Variants in KALRN observed in about 807,000 individuals in gnomAD.
KALRN encodes the protein kalirin RhoGEF kinase.
KALRN carries 70 observed loss-of-function variants against 353.7 expected under a neutral mutation model. The observed-to-expected ratio is 0.20, with a 90% CI of 0.16 to 0.24. The LOEUF (loss-of-function observed/expected upper bound fraction) is 0.24. Among genes scored for constraint, KALRN ranks in the 10% least tolerant of loss-of-function variants. The probability of loss-of-function intolerance (pLI) is 1.00; values close to 1 mark genes in which losing one functional copy is unlikely to be tolerated. For missense variants in KALRN, 2,791 were observed against 3,756.7 expected (o/e 0.74, Z 6.72); for synonymous variants, 1,391 against 1,434.8 (o/e 0.97, Z 0.69).
chr3:124,551,951 A>T (rs1305014981), intron 33 of KALRN, among the ~76,000 whole-genome samples: 1 of 152,202 alleles, frequency 6.6e-6, no homozygotes, highest in African/African-American at 2.4e-5. Flanking sequence ...GTTAGCTATT[A>T]GGATGCAATC....
chr3:124,428,769 A>G (rs2093144210), intron 15 of KALRN, among the ~76,000 whole-genome samples: 1 of 152,232 alleles, frequency 6.6e-6, no homozygotes. Context: ...ATGTTTCTAA[A>G]TGGGAAGCTT....
chr3:124,490,847 C>T lies in KALRN; in HGVS notation c.4550C>T (p.Ser1517Leu). ...LVFSKEIKDS[S>L]GHTKYVYKNK... The stretch of plus-strand genomic sequence containing the variant: ...TTTAGCAAGGAGATCAAAGATTCTT[C>T]AGGACACACGAAATATGTTTACAAG... The change falls in exon 30 of 60, where the codon TCA becomes TTA. Residue 1517 changes from serine (S) to leucine (L), a missense_variant. Physicochemically the swap from Ser to Leu is moderately radical, Grantham distance 145 (BLOSUM62 -2). Around this residue, in one of 11 missense-constraint regions of KALRN, gnomAD observed 239 missense variants for 351.3 expected, o/e 0.68. Transcript: ENST00000682506. 6.2e-7 allele frequency: 1 copy of T among 1,613,736 alleles called. No individual in the cohort carries two copies. The highest frequency in any genetic ancestry group is 1.1e-5 in the South Asian group (1 of 91,054).
Position 124,225,677 on chromosome 3 carries a change from T to C in KALRN, c.74-2313T>C, listed in dbSNP as rs368469925. ...GATGGATGAGACTTGGAGCTTCCTC[T>C]TCCTCTCCAAGGATGGGAGTAGAGA... On this transcript the variant is annotated intron_variant, in intron 1 of 59. Coordinates refer to ENST00000682506, the MANE Select transcript of KALRN (RefSeq NM_001388419.1). Among the ~76,000 whole-genome samples, 4 of 152,316 alleles carry C rather than the reference T, an allele frequency of 2.6e-5. No homozygotes were observed. The South Asian group carries it at 8.3e-4, about 32-fold the overall frequency.
At chr3:124,674,302 A>G in intron 48 of KALRN, 62 bp from the exon 49 acceptor site, 3 of 1,559,790 alleles carry the variant, frequency 1.9e-6, no homozygotes, top group Non-Finnish European at 2.6e-6. Flanking sequence ...TAGGGTGCAG[A>G]GCAAGCCCAT....
intron 55 of KALRN, among the ~76,000 whole-genome samples, chr3:124,699,635 G>A (rs1479047265): frequency 1.3e-5 from 2 of 152,162 alleles, no homozygotes; most frequent in African/African-American, 4.8e-5. Flanking sequence ...ACATTTGAAA[G>A]TGAACAGAAT....
intron 51 of KALRN, among the ~76,000 whole-genome samples, chr3:124,686,547 G>T (rs1000072863): frequency 1.2e-4 from 19 of 152,116 alleles, no homozygotes; most frequent in Admixed American, 2.6e-4. Flanking sequence ...GCCCTGAGGT[G>T]GGAGGTGCCT....
chr3:124,545,246 G>A (rs1254913441), intron 33 of KALRN, among the ~76,000 whole-genome samples: 3 of 151,924 alleles, frequency 2.0e-5, no homozygotes, highest in Admixed American at 2.0e-4. Flanking sequence ...CTCTTTTTTT[G>A]TATAGGAAAT....
At chr3:124,061,007 C>T (rs2041953399) in intron 1 of KALRN, among the ~76,000 whole-genome samples, 2 of 152,354 alleles carry the variant, frequency 1.3e-5, no homozygotes, top group Admixed American at 1.3e-4. Context: ...TCAGACTTCA[C>T]TTACAAAGCA....
chr3:124,265,298 C>CTTTTTTT lies in KALRN; in HGVS notation c.456+616_456+622dup, dbSNP rs3054177. On this transcript the variant is annotated intron_variant, in intron 4 of 59. Transcript: ENST00000682506. ...CTAGTAACTAATTTAAGAAAATATT[C>CTTTTTTT]TTTTTTTTTTTTTTGAGATAGAGTC... is the stretch of plus-strand genomic sequence containing the variant. Among the ~76,000 whole-genome samples, 27 of 73,124 alleles carry CTTTTTTT rather than the reference C, an allele frequency of 3.7e-4. 3 individuals carry two copies. In the South Asian group the frequency reaches 6.5e-3, roughly 18 times the overall value. The allele number at this position is 73,124 out of a possible 152,430, so 48.0% of individuals were successfully genotyped here.
chr3:124,080,275 G>C (rs1299453832), intron 1 of KALRN, among the ~76,000 whole-genome samples: 1 of 152,096 alleles, frequency 6.6e-6, no homozygotes, highest in Non-Finnish European at 1.5e-5. Flanking sequence ...AAAGCTAAAA[G>C]CAAGGCTGTA....
chr3:124,100,560 G>C (rs935038076), intron 1 of KALRN: 1 of 152,204 alleles, frequency 6.6e-6, no homozygotes, highest in African/African-American at 2.4e-5. Flanking sequence ...CTATGAAATT[G>C]CTAGAAGAAA....
At position 124,334,204 on chromosome 3, in the gene KALRN, T is replaced by TTC; in HGVS notation, c.1417-55_1417-54dup. 1.4e-6 allele frequency: 2 copies of TTC among 1,415,182 alleles called. No individual in the cohort carries two copies. Among genetic ancestry groups the TTC allele is most frequent in the East Asian group, 2.3e-5 (1 of 43,914 alleles). The allele number at this position is 1,415,182 out of a possible 1,614,324, so 87.7% of individuals were successfully genotyped here. ...GGACCCTCAGGCAGACACTTCCTGCTTCTCTCTGTGCCCTGCCTATCACCC... is the reference window on the plus strand; with the variant it reads ...GGACCCTCAGGCAGACACTTCCTGCTTCTCTCTCTGTGCCCTGCCTATCACCC... On this transcript the variant is annotated intron_variant, in intron 8 of 59. Coordinates refer to ENST00000682506, the MANE Select transcript of KALRN (RefSeq NM_001388419.1). The surrounding 1 kb of genome is among the most constrained non-coding windows in gnomAD (Gnocchi z 4.2).
chr3:124,308,203 T>C (rs573359435), intron 6 of KALRN, among the ~76,000 whole-genome samples: 2 of 152,066 alleles, frequency 1.3e-5, no homozygotes, highest in South Asian at 2.1e-4. Context: ...GCAAGAAATA[T>C]ACAATTCAAG....
At chr3:124,260,534 C>T (rs948714326) in intron 3 of KALRN, among the ~76,000 whole-genome samples, 1 of 152,114 alleles carries the variant, frequency 6.6e-6, no homozygotes, top group Non-Finnish European at 1.5e-5. Flanking sequence ...GTTACTTGCC[C>T]TTGGGAATTG....
At chr3:124,269,911 C>T (rs1035807240) in intron 5 of KALRN, among the ~76,000 whole-genome samples, 7 of 152,188 alleles carry the variant, frequency 4.6e-5, no homozygotes, top group Admixed American at 2.6e-4. Context: ...TCCTGCCATA[C>T]CCACTTGTTT....
chr3:124,524,888 T>A (rs1311333081), intron 33 of KALRN, among the ~76,000 whole-genome samples: 1 of 152,232 alleles, frequency 6.6e-6, no homozygotes, highest in Non-Finnish European at 1.5e-5. Context: ...CACATCTTCC[T>A]CCCATTTGTG....
intron 1 of KALRN, among the ~76,000 whole-genome samples, chr3:124,189,277 C>G (rs1025475803): frequency 6.6e-6 from 1 of 152,160 alleles, no homozygotes; most frequent in Non-Finnish European, 1.5e-5. Context: ...ATTGAACATG[C>G]CAGTTAGTTT....
intron 1 of KALRN, among the ~76,000 whole-genome samples, chr3:124,046,234 T>A (rs1220140609): frequency 6.6e-6 from 1 of 152,154 alleles, no homozygotes; most frequent in Non-Finnish European, 1.5e-5. Flanking sequence ...AGACTCAAAG[T>A]ATTAGAAGGT....
chr3:124,688,073 G>A (rs929011252), intron 51 of KALRN, among the ~76,000 whole-genome samples: 18 of 152,150 alleles, frequency 1.2e-4, no homozygotes, highest in East Asian at 5.8e-4. Flanking sequence ...CACATTGGGC[G>A]GGCACAGGTG....
Sources: allele counts gnomAD v4.1 joint callset (sites outside exome capture counted in the v4.1 genomes callset), GRCh38; gene constraint gnomAD v4.1.1; regional missense constraint gnomAD v4.1.1; non-coding constraint Gnocchi (gnomAD v3.1); transcripts MANE v1.5; gene names NCBI Gene and HGNC (gene_info 2026-07-23, HGNC 2026-07-21).